PDSS2: variants seen among roughly 807,000 people sequenced by gnomAD.
PDSS2 encodes decaprenyl diphosphate synthase subunit 2, also known as all trans-polyprenyl-diphosphate synthase PDSS2.
A neutral mutation model predicts 44.5 loss-of-function variants in PDSS2; 31 were observed. That is an observed-to-expected ratio of 0.70 (90% CI 0.52 to 0.94). PDSS2 has a LOEUF of 0.94. PDSS2 is among the 40% of genes least tolerant of loss of function. The pLI is 0.00. For synonymous variants in PDSS2, 157 were observed against 180.3 expected (o/e 0.87, Z 1.03); for missense variants, 452 against 482.2 (o/e 0.94, Z 0.59).
intron 2 of PDSS2, among the ~76,000 whole-genome samples, chr6:107,323,274 T>C (rs1417856125): frequency 1.3e-5 from 2 of 152,198 alleles, no homozygotes; most frequent in East Asian, 3.9e-4. Flanking sequence ...CATTGTTTCC[T>C]TACCTACTCA....
chr6:107,215,845 C>T (rs1011814165), intron 4 of PDSS2, among the ~76,000 whole-genome samples: 1 of 152,004 alleles, frequency 6.6e-6, no homozygotes, highest in Non-Finnish European at 1.5e-5. Flanking sequence ...GATTAAAAAA[C>T]TGGGAATAAG....
chr6:107,403,414 T>C (rs319052), intron 1 of PDSS2, among the ~76,000 whole-genome samples: 109,925 of 152,062 alleles, frequency 0.72, 40,189 homozygotes, highest in Middle Eastern at 0.79. Flanking sequence ...TCCAGGCACA[T>C]GGTTCAAGTT....
rs60783838 is a variant in PDSS2, at chr6:107,455,754, CAAAAAAAAAAAAA to C, written c.296+3223_296+3235del. Among the ~76,000 whole-genome samples the C allele has an allele frequency of 5.7e-4, 32 of 55,690 alleles. 1 individual carries two copies. Among genetic ancestry groups the C allele is most frequent in the Middle Eastern group, 0.024 (1 of 42 alleles). The allele number at this position is 55,690 out of a possible 152,430, so 36.5% of individuals were successfully genotyped here. On this transcript the variant is annotated intron_variant, in intron 1 of 7. Coordinates refer to ENST00000369037, the MANE Select transcript of PDSS2 (RefSeq NM_020381.4). ...CTGGCGATAGAGCGAGACTCTGTCT[CAAAAAAAAAAAAA>C]AAAAAAAAAAAAAAAACTTAAGAAA... is the stretch of plus-strand genomic sequence containing the variant.
At chr6:107,297,445 C>A (rs905592307) in intron 2 of PDSS2, among the ~76,000 whole-genome samples, 1 of 150,618 alleles carries the variant, frequency 6.6e-6, no homozygotes, top group East Asian at 1.9e-4. Flanking sequence ...TGCAGTGGTG[C>A]GATCTCGGCT....
At chr6:107,198,800 T>TAAC (rs35128756) in intron 6 of PDSS2, among the ~76,000 whole-genome samples, 27,135 of 149,246 alleles carry the variant, frequency 0.18, 2,582 homozygotes, top group African/African-American at 0.24. Context: ...CTACAAACAA[T>TAAC]AACAACAACA....
At chr6:107,359,007 CT>C (rs59632305) in intron 1 of PDSS2, among the ~76,000 whole-genome samples, 133 of 93,044 alleles carry the variant, frequency 1.4e-3, no homozygotes, top group African/African-American at 3.8e-3. Flanking sequence ...CATTCTCGCT[CT>C]TTTTTTTTTT....
chr6:107,198,150 G>A (rs1209194832), intron 6 of PDSS2, among the ~76,000 whole-genome samples: 2 of 152,132 alleles, frequency 1.3e-5, no homozygotes, highest in Admixed American at 1.3e-4. Flanking sequence ...TGAATTACCT[G>A]TGCTTAATCA....
At chr6:107,284,109 G>A (rs1358718300) in intron 2 of PDSS2, among the ~76,000 whole-genome samples, 2 of 151,564 alleles carry the variant, frequency 1.3e-5, no homozygotes, top group African/African-American at 2.4e-5. Flanking sequence ...TACGGACAAG[G>A]GAGATAAAAA....
intron 1 of PDSS2, among the ~76,000 whole-genome samples, chr6:107,429,748 G>C (rs1337049158): frequency 6.6e-6 from 1 of 151,268 alleles, no homozygotes; most frequent in African/African-American, 2.4e-5. Flanking sequence ...GCTGGGCGTG[G>C]TGGTGCATGC....
intron 2 of PDSS2, among the ~76,000 whole-genome samples, chr6:107,318,704 G>A (rs960525885): frequency 7.2e-5 from 11 of 152,028 alleles, no homozygotes; most frequent in Admixed American, 1.3e-4. Flanking sequence ...TCAGTTCATC[G>A]GCCGGGCACG....
intron 6 of PDSS2, chr6:107,197,813 T>C (rs1772620440): frequency 2.1e-6 from 1 of 470,914 alleles, no homozygotes; most frequent in South Asian, 1.5e-5. Context: ...AATATTCTCA[T>C]CGTTCAGTGC....
At chr6:107,422,588 A>C (rs1439645378) in intron 1 of PDSS2, among the ~76,000 whole-genome samples, 2 of 152,044 alleles carry the variant, frequency 1.3e-5, no homozygotes, top group African/African-American at 4.8e-5. Flanking sequence ...AGGATAATTA[A>C]CTGTATTATG....
chr6:107,309,541 C>T (rs1776967034), intron 2 of PDSS2, among the ~76,000 whole-genome samples: 1 of 152,154 alleles, frequency 6.6e-6, no homozygotes, highest in Non-Finnish European at 1.5e-5. Context: ...TACCTTAAGC[C>T]TTCTCTATGA....
At chr6:107,415,259 G>A (rs2114672268) in intron 1 of PDSS2, among the ~76,000 whole-genome samples, 1 of 152,108 alleles carries the variant, frequency 6.6e-6, no homozygotes, top group Admixed American at 6.5e-5. Context: ...TGGAAAAATA[G>A]TGAAATAGAC....
At chr6:107,409,530 A>G (rs1780425647) in intron 1 of PDSS2, among the ~76,000 whole-genome samples, 1 of 152,162 alleles carries the variant, frequency 6.6e-6, no homozygotes, top group South Asian at 2.1e-4. Context: ...TTGTCACAAA[A>G]AGACTAGCTA....
intron 1 of PDSS2, among the ~76,000 whole-genome samples, chr6:107,375,769 T>C (rs982697231): frequency 6.6e-6 from 1 of 152,156 alleles, no homozygotes; most frequent in African/African-American, 2.4e-5. Context: ...TGATATCAGA[T>C]GCACAAATCC....
intron 4 of PDSS2, among the ~76,000 whole-genome samples, chr6:107,238,512 C>G (rs979636831): frequency 1.3e-5 from 2 of 152,168 alleles, no homozygotes; most frequent in Non-Finnish European, 2.9e-5. Flanking sequence ...TGGAGTCACG[C>G]AGAGTGTGCT....
intron 7 of PDSS2, among the ~76,000 whole-genome samples, chr6:107,169,416 C>T (rs1358534956): frequency 2.6e-5 from 4 of 152,132 alleles, no homozygotes; most frequent in African/African-American, 4.8e-5. Context: ...CTTTGTGATG[C>T]GTTCAAGCTT....
chr6:107,274,233 A>G lies in PDSS2; in HGVS notation c.432-6T>C. ...TCTCTGCCAAACTTCTTTGACTAAA[A>G]CATAAAGGTAAGATTTGTTAGAATA... On this transcript the variant is annotated splice_region_variant and splice_polypyrimidine_tract_variant and intron_variant, in intron 2 of 7. Transcript: ENST00000369037. The G allele has an allele frequency of 6.2e-7, 1 of 1,601,966 alleles. No individual in the cohort carries two copies.
Sources: gnomAD v4.1 joint callset for allele counts (sites outside exome capture counted in the v4.1 genomes callset) on GRCh38, gnomAD v4.1.1 for gene constraint, MANE v1.5 for transcripts, NCBI Gene and HGNC (gene_info 2026-07-23, HGNC 2026-07-21) for gene names.